XYLB: variants seen among roughly 807,000 people sequenced by gnomAD.
XYLB encodes xylulose kinase.
Under a neutral mutation model 78.7 loss-of-function variants are expected in XYLB, and 62 were observed. The observed-to-expected ratio is 0.79, with a 90% CI of 0.64 to 0.97. XYLB has a LOEUF of 0.97. XYLB is among the 50% of genes least tolerant of loss of function. The pLI is 0.00. For missense variants in XYLB, 687 were observed against 676.8 expected (o/e 1.02, Z -0.17); for synonymous variants, 245 against 247.4 (o/e 0.99, Z 0.09).
intron 1 of XYLB, among the ~76,000 whole-genome samples, chr3:38,347,805 T>A (rs537139579): frequency 1.2e-4 from 18 of 152,386 alleles, no homozygotes; most frequent in African/African-American, 4.1e-4. Flanking sequence ...AGTGTGCTGC[T>A]GCCAACGCCC....
At chr3:38,441,573 C>T in the XYLB span, among the ~76,000 whole-genome samples, 2 of 152,138 alleles carry the variant, frequency 1.3e-5, no homozygotes, top group Non-Finnish European at 2.9e-5. Context: ...GAGGGCTGCA[C>T]ACATGCATAT....
the XYLB span, among the ~76,000 whole-genome samples, chr3:38,427,953 AC>A: frequency 1.3e-5 from 2 of 152,200 alleles, no homozygotes; most frequent in Admixed American, 1.3e-4. Context: ...TTTCCTCTTT[AC>A]TAACATAAGC....
chr3:38,445,103 T>TTCC, the XYLB span, among the ~76,000 whole-genome samples: 1 of 152,166 alleles, frequency 6.6e-6, no homozygotes, highest in South Asian at 2.1e-4. Context: ...CCTTACCCCT[T>TTCC]TCCTATAAAG....
At position 38,366,808 on chromosome 3, in the gene XYLB, C is replaced by T. The variant is rs145351669; in HGVS notation, c.508C>T (p.Arg170Cys). 4.2e-5 allele frequency: 67 copies of T among 1,608,234 alleles called. No individual in the cohort carries two copies. Among genetic ancestry groups the T allele is most frequent in the Non-Finnish European group, 3.1e-5 (36 of 1,174,892 alleles). Residue 170 changes from arginine (R) to cysteine (C), a missense_variant and splice_region_variant, in exon 7 of 19, where the codon CGT becomes TGT. Arg to Cys is a radical substitution (Grantham distance 180). Transcript: ENST00000207870. The stretch of plus-strand genomic sequence containing the variant: ...CTAAGAATTTATATTCCTTTTCCAG[C>T]GTTTTACAGGGAACCAAATTGCAAA... Reference protein sequence around the residue: ...SCLTGSRAYERFTGNQIAKIY... With the variant: ...SCLTGSRAYECFTGNQIAKIY...
intron 8 of XYLB, among the ~76,000 whole-genome samples, chr3:38,369,743 G>A (rs1467922708): frequency 6.6e-6 from 1 of 152,192 alleles, no homozygotes; most frequent in Non-Finnish European, 1.5e-5. Flanking sequence ...CATGGAGAGT[G>A]GTTCCTGGTC....
At chr3:38,390,630 C>T (rs556786990) in intron 15 of XYLB, among the ~76,000 whole-genome samples, 2 of 152,152 alleles carry the variant, frequency 1.3e-5, no homozygotes, top group Non-Finnish European at 2.9e-5. Context: ...TCAAGCAATC[C>T]TCCCACTTCA....
rs142444696 is a variant in XYLB at position 38,370,049 on chromosome 3, T to A, written c.647-7T>A. ...ATTGTCTGTTGTTTGTTTCCTTCCT[T>A]CCTCAGGTTCTGGAATGAATTTGTT... On this transcript the variant is annotated splice_region_variant and splice_polypyrimidine_tract_variant and intron_variant, in intron 8 of 18. Transcript: ENST00000207870. The A allele has an allele frequency of 9.3e-5, 150 of 1,612,864 alleles. 3 individuals are homozygous for A. In the East Asian group the frequency reaches 3.1e-3, roughly 33 times the overall value.
At chr3:38,357,075 C>T (rs1471193840) in intron 2 of XYLB, 1 of 152,226 alleles carries the variant, frequency 6.6e-6, no homozygotes, top group African/African-American at 2.4e-5. Flanking sequence ...AGAGCCCTAA[C>T]CAGAAACTGA....
At chr3:38,446,145 G>T in the XYLB span, among the ~76,000 whole-genome samples, 2 of 152,180 alleles carry the variant, frequency 1.3e-5, no homozygotes, top group Admixed American at 6.5e-5. Context: ...GGGGTGGCCA[G>T]CTTTTATTCC....
At chr3:38,432,110 G>A in the XYLB span, among the ~76,000 whole-genome samples, 3 of 51,224 alleles carry the variant, frequency 5.9e-5, no homozygotes, top group Non-Finnish European at 7.6e-5. Context: ...TTCCACCCTG[G>A]CACCTCCCAA....
intron 17 of XYLB, among the ~76,000 whole-genome samples, 185 bp downstream of exon 17, chr3:38,397,344 C>A (rs1707916228): frequency 6.6e-6 from 1 of 152,088 alleles, no homozygotes; most frequent in Admixed American, 6.6e-5. Flanking sequence ...TTCCTTTATT[C>A]TTTGCTTAAA....
At chr3:38,361,317 G>A (rs567423882) in intron 3 of XYLB, among the ~76,000 whole-genome samples, 11 of 151,320 alleles carry the variant, frequency 7.3e-5, no homozygotes, top group Non-Finnish European at 7.4e-5. Context: ...CAGGGTCCCC[G>A]AGTCCCTGAA....
chr3:38,420,796 C>T (rs1708953115), downstream of XYLB, among the ~76,000 whole-genome samples: 2 of 152,062 alleles, frequency 1.3e-5, no homozygotes, highest in South Asian at 4.1e-4. Flanking sequence ...ATAAACAGGC[C>T]TTAAATAAAC....
chr3:38,451,516 G>A, the XYLB span: 2 of 152,368 alleles, frequency 1.3e-5, no homozygotes, highest in Non-Finnish European at 2.9e-5. Context: ...AGCTACTTGG[G>A]AGGCTGCGGC....
the XYLB span, among the ~76,000 whole-genome samples, chr3:38,427,916 G>A: frequency 2.6e-5 from 4 of 152,220 alleles, no homozygotes; most frequent in African/African-American, 7.2e-5. Context: ...TTTTCAAGGT[G>A]GAAATCTACA....
At chr3:38,423,159 G>A (rs1057219032), downstream of XYLB, among the ~76,000 whole-genome samples, 6 of 152,064 alleles carry the variant, frequency 3.9e-5, no homozygotes, top group African/African-American at 7.2e-5. Flanking sequence ...TGCAAGCTCC[G>A]CCTCCTGGGT....
the XYLB span, among the ~76,000 whole-genome samples, chr3:38,433,971 TCA>T: frequency 1.3e-5 from 2 of 152,326 alleles, no homozygotes; most frequent in East Asian, 3.9e-4. Flanking sequence ...TTTAATTGAC[TCA>T]CAGTTCCACA....
chr3:38,377,570 C>T (rs1431632489), intron 14 of XYLB, among the ~76,000 whole-genome samples: 2 of 151,856 alleles, frequency 1.3e-5, no homozygotes, highest in Non-Finnish European at 2.9e-5. Flanking sequence ...GCCTCAGCCT[C>T]CTGAGTAGCT....
downstream of XYLB, among the ~76,000 whole-genome samples, chr3:38,422,889 G>A (rs1444302044): frequency 4.6e-5 from 7 of 151,976 alleles, no homozygotes; most frequent in Non-Finnish European, 7.4e-5. Flanking sequence ...TTTTGATGGC[G>A]GCCATTGTTA....
Sources: gnomAD v4.1 joint callset for allele counts (sites outside exome capture counted in the v4.1 genomes callset) on GRCh38, gnomAD v4.1.1 for gene constraint, MANE v1.5 for transcripts, NCBI Gene and HGNC (gene_info 2026-07-23, HGNC 2026-07-21) for gene names.